The following TCF20 variants were observed in gnomAD, a reference collection of about 807,000 sequenced individuals.
TCF20 encodes the protein transcription factor 20.
A neutral mutation model predicts 148.6 loss-of-function variants in TCF20; 3 were observed. The ratio of observed to expected loss-of-function variants is 0.02; its 90% CI spans 0.01 to 0.05. The LOEUF (loss-of-function observed/expected upper bound fraction) is 0.05. Ranked by LOEUF, TCF20 falls within the 10% of genes least tolerant of loss-of-function variation. The pLI is 1.00. For missense variants in TCF20, 2,350 were observed against 2,429.3 expected (o/e 0.97, Z 0.69); for synonymous variants, 1,049 against 909.5 (o/e 1.15, Z -2.76).
At chr22:42,315,456 C>G (rs1927611841) in intron 1 of TCF20, among the ~76,000 whole-genome samples, 1 of 152,178 alleles carries the variant, frequency 6.6e-6, no homozygotes, top group Admixed American at 6.5e-5. Context: ...AGGAGGGCAG[C>G]CCAGGCAGGT....
At chr22:42,272,820 A>G (rs1046361353), upstream of TCF20, among the ~76,000 whole-genome samples, 2 of 152,162 alleles carry the variant, frequency 1.3e-5, no homozygotes, top group African/African-American at 4.8e-5. Context: ...GTGGCCTTGG[A>G]CAAGTCACTT....
intron 1 of TCF20, among the ~76,000 whole-genome samples, chr22:42,238,273 G>A (rs565478145): frequency 6.6e-6 from 1 of 152,308 alleles, no homozygotes; most frequent in African/African-American, 2.4e-5. Flanking sequence ...CTTCACTTCT[G>A]CAGCTTCTTA....
intron 1 of TCF20, 175 bp from the exon 2 acceptor site, chr22:42,215,516 G>A: frequency 1.2e-6 from 1 of 809,312 alleles, no homozygotes; most frequent in Non-Finnish European, 1.8e-6. Context: ...TGTCACCCAG[G>A]CTGGAGTGCA....
At chr22:42,201,423 C>A (rs1938006296) in intron 2 of TCF20, among the ~76,000 whole-genome samples, 1 of 152,104 alleles carries the variant, frequency 6.6e-6, no homozygotes, top group Non-Finnish European at 1.5e-5. Context: ...ACTCAGAATT[C>A]TTAATTATTT....
At chr22:42,188,873 A>G (rs373528202) in intron 2 of TCF20, among the ~76,000 whole-genome samples, 15 of 152,230 alleles carry the variant, frequency 9.9e-5, no homozygotes, top group South Asian at 8.3e-4. Flanking sequence ...CTGGGGGTAA[A>G]GCAAAATTTA....
At chr22:42,324,515 T>G (rs190329456) in intron 1 of TCF20, among the ~76,000 whole-genome samples, 14 of 148,716 alleles carry the variant, frequency 9.4e-5, no homozygotes, top group African/African-American at 3.0e-4. Context: ...CACCATCCGA[T>G]AAAATAATCT....
At chr22:42,223,410 T>C (rs1334124167) in intron 1 of TCF20, among the ~76,000 whole-genome samples, 1 of 152,230 alleles carries the variant, frequency 6.6e-6, no homozygotes, top group Non-Finnish European at 1.5e-5. Context: ...TGCATATTTT[T>C]GAAAATCCTG....
intron 1 of TCF20, among the ~76,000 whole-genome samples, chr22:42,341,785 G>A: frequency 7.0e-6 from 1 of 142,856 alleles, no homozygotes; most frequent in Non-Finnish European, 1.5e-5. Context: ...GTGGGCGGGG[G>A]GGGCAAGATG....
chr22:42,222,983 C>T (rs546877143), intron 1 of TCF20, among the ~76,000 whole-genome samples: 3 of 152,212 alleles, frequency 2.0e-5, no homozygotes, highest in Non-Finnish European at 2.9e-5. Flanking sequence ...CCCGTCTCCA[C>T]AAAAAATACA....
intron 1 of TCF20, among the ~76,000 whole-genome samples, chr22:42,261,224 TG>T (rs1403131826): frequency 1.3e-5 from 2 of 151,986 alleles, no homozygotes; most frequent in African/African-American, 4.9e-5. Flanking sequence ...CATGCCAATT[TG>T]TTATCTACTG....
At chr22:42,331,251 G>A (rs1927969618) in intron 1 of TCF20, among the ~76,000 whole-genome samples, 1 of 152,166 alleles carries the variant, frequency 6.6e-6, no homozygotes, top group Admixed American at 6.5e-5. Context: ...AAGCCGCTAA[G>A]CCACGAGCCA....
At chr22:42,181,971 C>T (rs1212140355) in intron 2 of TCF20, among the ~76,000 whole-genome samples, 1 of 152,152 alleles carries the variant, frequency 6.6e-6, no homozygotes, top group Non-Finnish European at 1.5e-5. Flanking sequence ...GAGGATTAGA[C>T]AGTGGGATCT....
At chr22:42,173,494 G>A (rs1936260415) in intron 3 of TCF20, among the ~76,000 whole-genome samples, 1 of 143,708 alleles carries the variant, frequency 7.0e-6, no homozygotes, top group Non-Finnish European at 1.5e-5. Context: ...AGATCTGGGT[G>A]GGTTGACAGC....
chr22:42,196,112 A>C (rs542547008), intron 2 of TCF20, among the ~76,000 whole-genome samples: 2 of 152,344 alleles, frequency 1.3e-5, no homozygotes, highest in South Asian at 4.1e-4. Context: ...TGTAACCTGC[A>C]AAGGGAAGGC....
At chr22:42,295,418 T>G (rs1927214954) in intron 1 of TCF20, among the ~76,000 whole-genome samples, 1 of 151,564 alleles carries the variant, frequency 6.6e-6, no homozygotes, top group Non-Finnish European at 1.5e-5. Flanking sequence ...CTCCCTGAGA[T>G]GCTCCTCCCT....
chr22:42,225,828 C>G (rs1397015981), intron 1 of TCF20, among the ~76,000 whole-genome samples: 1 of 152,154 alleles, frequency 6.6e-6, no homozygotes, highest in Non-Finnish European at 1.5e-5. Flanking sequence ...ATGCCACACA[C>G]AGGGTTGTTG....
intron 1 of TCF20, among the ~76,000 whole-genome samples, chr22:42,343,190 G>C (rs1316515095): frequency 6.6e-6 from 1 of 152,158 alleles, no homozygotes; most frequent in East Asian, 1.9e-4. Context: ...CCACTTGCTA[G>C]CCGGGGACCT....
chr22:42,198,833 T>C (rs1306187901), intron 2 of TCF20, among the ~76,000 whole-genome samples: 1 of 152,110 alleles, frequency 6.6e-6, no homozygotes, highest in Non-Finnish European at 1.5e-5. Flanking sequence ...AGCTAATTTT[T>C]TTTGTATTTT....
At chr22:42,176,537 G>A (rs2147082999) in intron 3 of TCF20, among the ~76,000 whole-genome samples, 1 of 152,166 alleles carries the variant, frequency 6.6e-6, no homozygotes, top group East Asian at 1.9e-4. Context: ...CAGCGTGGCT[G>A]CCTCCGTGGA....
Sources: allele counts gnomAD v4.1 joint callset (sites outside exome capture counted in the v4.1 genomes callset), GRCh38; gene constraint gnomAD v4.1.1; transcripts MANE v1.5; gene names NCBI Gene and HGNC (gene_info 2026-07-23, HGNC 2026-07-21).